Variants in PDIA2 observed in about 807,000 individuals in gnomAD.
The protein encoded by PDIA2 is protein disulfide isomerase family A member 2, also known as protein disulfide-isomerase A2.
PDIA2 carries 76 observed loss-of-function variants against 51.1 expected under a neutral mutation model. That is an observed-to-expected ratio of 1.49 (90% CI 1.24 to 1.80). PDIA2 has a LOEUF of 1.80. Among genes scored for constraint, PDIA2 ranks in the 40% most tolerant of loss-of-function variants. The probability of loss-of-function intolerance (pLI) is 0.00; values close to 1 mark genes in which losing one functional copy is unlikely to be tolerated. For synonymous variants in PDIA2, 429 were observed against 309.9 expected (o/e 1.38, Z -4.04); for missense variants, 946 against 706.5 (o/e 1.34, Z -3.84).
At chr16:283,436 C>T (rs1459844716) in intron 1 of PDIA2, 68 bp downstream of exon 1, 1 of 1,462,262 alleles carries the variant, frequency 6.8e-7, no homozygotes, top group Non-Finnish European at 9.1e-7. Flanking sequence ...GGGGCCCCAC[C>T]CTTTGCCGGC....
chr16:285,015 G>T lies in PDIA2; in HGVS notation c.678G>T (p.Lys226Asn). Residue 226 changes from lysine to asparagine, a missense_variant and splice_region_variant, in exon 4 of 11, where the codon AAG (lysine) becomes AAT (asparagine). Coordinates refer to ENST00000219406, the MANE Select transcript of PDIA2 (RefSeq NM_006849.4). ...AGGACACTGTGGTTCTCTTCAAGAA[G>T]GTAGGTCAGGCCCAGGTGTGGGTTG... is the stretch of plus-strand genomic sequence containing the variant. ...LTKDTVVLFK[K>N]FDEGRADFPV... is the part of the protein sequence containing the mutation. The T allele has an allele frequency of 6.2e-7, 1 of 1,613,352 alleles. No homozygotes were observed. Among genetic ancestry groups the T allele is most frequent in the Non-Finnish European group, 8.5e-7 (1 of 1,180,016 alleles).
At position 286,484 on chromosome 16, in the gene PDIA2, AG is replaced by A. The variant is rs1385230524; in HGVS notation, c.1240+14del. On this transcript the variant is annotated intron_variant, in intron 8 of 10. Coordinates refer to ENST00000219406, the MANE Select transcript of PDIA2 (RefSeq NM_006849.4). Reference sequence around the variant, plus strand: ...TGTTTGTCAAGTTCTGTGAGTGTTGAGGGAGGCAGGGGTGGTGTGGGCTGGG... The same window carrying A: ...TGTTTGTCAAGTTCTGTGAGTGTTGAGGAGGCAGGGGTGGTGTGGGCTGGG... The A allele has an allele frequency of 3.1e-6, 5 of 1,612,920 alleles. No homozygotes were observed.
rs201557351 is a variant in PDIA2 at position 286,469 on chromosome 16, G to A, written c.1236G>A (p.Lys412=). 9 of 1,613,286 alleles carry A rather than the reference G, an allele frequency of 5.6e-6. No homozygotes were observed. The highest frequency in any genetic ancestry group is 1.7e-5 in the Admixed American group (1 of 60,010). Reference sequence around the variant, plus strand: ...ACGAAACCAAGAATGTGTTTGTCAAGTTCTGTGAGTGTTGAGGGAGGCAGG... The same window carrying A: ...ACGAAACCAAGAATGTGTTTGTCAAATTCTGTGAGTGTTGAGGGAGGCAGG... The part of the protein sequence containing the change: ...AFDETKNVFV[K]FYAPWCTHCK... Residue 412 remains lysine (K), a synonymous_variant, in exon 8 of 11, where the codon AAG becomes AAA. Coordinates refer to ENST00000219406, the MANE Select transcript of PDIA2 (RefSeq NM_006849.4).
chr16:284,336 G>C, intron 1 of PDIA2, 51 bp from the exon 2 acceptor site: 2 of 1,492,744 alleles, frequency 1.3e-6, no homozygotes, highest in Non-Finnish European at 1.8e-6. Context: ...GTGTGGAGAG[G>C]GTGCTCCTGG....
At position 284,685 on chromosome 16, in the gene PDIA2, G is replaced by A. The variant is rs200919010; in HGVS notation, c.433G>A (p.Glu145Lys). The change falls in exon 3 of 11, where the codon GAG becomes AAG. Residue 145 changes from glutamate to lysine, a missense_variant. Glu to Lys is a moderately conservative substitution (Grantham distance 56). Transcript: ENST00000219406. ...TGPRDAEGIAEWLRRRVGPSA... is the reference protein window; with the variant it reads ...TGPRDAEGIAKWLRRRVGPSA... ...ACCACGGGACGCTGAGGGCATTGCC[G>A]AGTGGCTGCGACGGCGGGTGGGGCC... The A allele has an allele frequency of 1.4e-3, 2,203 of 1,587,778 alleles. No homozygotes were observed. The highest frequency in any genetic ancestry group is 1.7e-3 in the Non-Finnish European group (1,973 of 1,172,108).
In PDIA2 at chr16:283,293, G is replaced by A. The variant is rs1390455232; in HGVS notation, c.124G>A (p.Asp42Asn). ...EPPEEEIPKE[D>N]GILVLSRHTL... ...TCCAGAGGAGGAAATCCCCAAGGAG[G>A]ATGGGATCTTGGTGCTGAGCCGCCA... Residue 42 changes from aspartate to asparagine, a missense_variant, in exon 1 of 11, where the codon GAT becomes AAT. Transcript: ENST00000219406. 1 of 1,610,498 alleles carries A rather than the reference G, an allele frequency of 6.2e-7. No individual in the cohort carries two copies. The highest frequency in any genetic ancestry group is 8.5e-7 in the Non-Finnish European group (1 of 1,179,090).
In PDIA2 at chr16:285,323, G is replaced by T; in HGVS notation, c.807G>T (p.Lys269Asn). The T allele has an allele frequency of 1.2e-6, 2 of 1,612,962 alleles. No homozygotes were observed. The highest frequency in any genetic ancestry group is 1.7e-6 in the Non-Finnish European group (2 of 1,179,910). Residue 269 changes from lysine to asparagine, a missense_variant, in exon 6 of 11, where the codon AAG becomes AAT. Transcript: ENST00000219406. ...CCTCCCTACTGTAGACGTCTGCCAA[G>T]ATCTTCGCGGCCAGGATCCTCAACC... is the stretch of plus-strand genomic sequence containing the variant. ...VTEFNSQTSAKIFAARILNHL... is the reference protein window; with the variant it reads ...VTEFNSQTSANIFAARILNHL...
chr16:287,125 T>TCACCCCCGC lies in PDIA2; in HGVS notation c.*15_*23dup, dbSNP rs1567252687. ...AGGAGGAACTGTAGCTGCCCCCGTG[T>TCACCCCCGC]CACCCCCGCCATCACTGCTGGACAG... On this transcript the variant is annotated 3_prime_UTR_variant, in exon 11 of 11. Coordinates refer to ENST00000219406, the MANE Select transcript of PDIA2 (RefSeq NM_006849.4). The TCACCCCCGC allele has an allele frequency of 1.2e-6, 2 of 1,612,714 alleles. No homozygotes were observed. The highest frequency in any genetic ancestry group is 1.7e-5 in the Admixed American group (1 of 60,010).
Position 286,621 on chromosome 16 carries a change from A to T in PDIA2, c.1308A>T (p.Gln436His), listed in dbSNP as rs1567251821. The change falls in exon 9 of 11, where the codon CAA becomes CAT. Residue 436 changes from glutamine (Q) to histidine (H), a missense_variant. Coordinates refer to ENST00000219406, the MANE Select transcript of PDIA2 (RefSeq NM_006849.4). ...PAWEALAEKY[Q>H]DHEDIIIAEL... is the part of the protein sequence containing the mutation. ...GGGAGGCATTGGCTGAGAAGTACCAAGACCACGAGGACATCATCATTGCTG... is the reference window on the plus strand; with the variant it reads ...GGGAGGCATTGGCTGAGAAGTACCATGACCACGAGGACATCATCATTGCTG... 2 of 1,612,730 alleles carry T rather than the reference A, an allele frequency of 1.2e-6. No homozygotes were observed. The highest frequency in any genetic ancestry group is 1.6e-4 in the Middle Eastern group (1 of 6,062).
At chr16:285,834 A>G (rs1279319312) in intron 7 of PDIA2, 131 bp downstream of exon 7, 60 of 993,218 alleles carry the variant, frequency 6.0e-5, no homozygotes, top group South Asian at 8.1e-5. Flanking sequence ...TCAACCCGGC[A>G]ATTCTCCCAA....
Position 286,733 on chromosome 16 carries a change from A to T in PDIA2, c.1420A>T (p.Lys474Ter), listed in dbSNP as rs1258102758. 1 of 1,612,720 alleles carries T rather than the reference A, an allele frequency of 6.2e-7. No homozygotes were observed. Among genetic ancestry groups the T allele is most frequent in the Non-Finnish European group, 8.5e-7 (1 of 1,179,962 alleles). Residue 474 changes from lysine to a stop codon, truncating the protein, a stop_gained and splice_region_variant, in exon 9 of 11, where the codon AAG becomes TAG. Transcript: ENST00000219406. LOFTEE classifies it high-confidence loss of function. ...LKYFPAGPGR[K>*]VIEYKSTRDL... Reference sequence around the variant, plus strand: ...GTACTTCCCAGCAGGGCCAGGTCGGAAGGTATGGCGGACAGGTGGCTGGGG... The same window carrying T: ...GTACTTCCCAGCAGGGCCAGGTCGGTAGGTATGGCGGACAGGTGGCTGGGG...
At position 285,790 on chromosome 16, in the gene PDIA2, C is replaced by CCCCCTGCCCCTGCCCCTG. The variant is rs573410694; in HGVS notation, c.1119+100_1119+101insCCCTGCCCCTGCCCCTGC. 7.8e-6 allele frequency: 11 copies of CCCCCTGCCCCTGCCCCTG among 1,419,014 alleles called. No homozygotes were observed. The African/African-American group carries it at 1.4e-4, about 18-fold the overall frequency. 87.9% of individuals were successfully genotyped at this position (1,419,014 alleles called of 1,614,324 possible). On this transcript the variant is annotated intron_variant, in intron 7 of 10. Coordinates refer to ENST00000219406, the MANE Select transcript of PDIA2 (RefSeq NM_006849.4). ...GGGGTGGGAACAGCAGCTCTCAGAG[C>CCCCCTGCCCCTGCCCCTG]CCCCTGCCCCTGCAGGCCCCGCAGA...
chr16:286,454 G>T lies in PDIA2; in HGVS notation c.1221G>T (p.Lys407Asn). ...AGCAGGTGGCTTTTGACGAAACCAA[G>T]AATGTGTTTGTCAAGTTCTGTGAGT... Reference protein sequence around the residue: ...NFEQVAFDETKNVFVKFYAPW... With the variant: ...NFEQVAFDETNNVFVKFYAPW... The change falls in exon 8 of 11, where the codon AAG becomes AAT. Residue 407 changes from lysine (K) to asparagine (N), a missense_variant. Physicochemically the swap from Lys to Asn is moderately conservative, Grantham distance 94. Transcript: ENST00000219406. 6.2e-7 allele frequency: 1 copy of T among 1,613,172 alleles called. No individual in the cohort carries two copies. The highest frequency in any genetic ancestry group is 8.5e-7 in the Non-Finnish European group (1 of 1,179,904).
chr16:284,702 G>A lies in PDIA2; in HGVS notation c.450G>A (p.Arg150=). ...GCATTGCCGAGTGGCTGCGACGGCG[G>A]GTGGGGCCCAGTGCCATGCGGCTGG... ...AEGIAEWLRR[R]VGPSAMRLED... is the part of the protein sequence containing the mutation. Residue 150 remains arginine (R), a synonymous_variant, in exon 3 of 11, where the codon CGG becomes CGA. Coordinates refer to ENST00000219406, the MANE Select transcript of PDIA2 (RefSeq NM_006849.4). The A allele has an allele frequency of 1.3e-6, 2 of 1,581,610 alleles. No homozygotes were observed. Among genetic ancestry groups the A allele is most frequent in the Non-Finnish European group, 1.7e-6 (2 of 1,169,104 alleles).
chr16:286,987 C>T lies in PDIA2; in HGVS notation c.1533+42C>T, dbSNP rs1238236035. On this transcript the variant is annotated intron_variant, in intron 10 of 10. Coordinates refer to ENST00000219406, the MANE Select transcript of PDIA2 (RefSeq NM_006849.4). ...CAGGGCTCCAGGCCTCTGCACAAAT[C>T]CTCTTTACACAGGGCTGGCAGGGGC... The T allele has an allele frequency of 3.1e-6, 5 of 1,610,502 alleles. No individual in the cohort carries two copies. The African/African-American group carries it at 5.3e-5, about 17-fold the overall frequency.
In PDIA2 at chr16:285,443, G is replaced by A. The variant is rs1488035037; in HGVS notation, c.921+6G>A. 9 of 1,610,948 alleles carry A rather than the reference G, an allele frequency of 5.6e-6. No homozygotes were observed. The highest frequency in any genetic ancestry group is 3.3e-5 in the Admixed American group (2 of 59,954). On this transcript the variant is annotated splice_donor_region_variant and intron_variant, in intron 6 of 10. Coordinates refer to ENST00000219406, the MANE Select transcript of PDIA2 (RefSeq NM_006849.4). ...CTCCCCGCTTCCGGGGGCAGGTACT[G>A]GGGGGCTGGGGGAAAGGGGCAGCGG...
At chr16:283,487 A>G in intron 1 of PDIA2, 119 bp downstream of exon 1, 2 of 1,082,812 alleles carry the variant, frequency 1.8e-6, no homozygotes, top group South Asian at 1.7e-5. Flanking sequence ...CCCCGCAGGC[A>G]CTTGCCCCCA....
At chr16:286,045 C>CCCCGCGGTTCT (rs1267233228) in intron 7 of PDIA2, among the ~76,000 whole-genome samples, 1 of 116,566 alleles carries the variant, frequency 8.6e-6, no homozygotes, top group South Asian at 2.6e-4. Context: ...GTTCTCCCAA[C>CCCCGCGGTTCT]CCCAACCTCA....
rs762409143 is a variant in PDIA2 at position 284,913 on chromosome 16, C to A, written c.576C>A (p.Ala192=). 6.2e-7 allele frequency: 1 copy of A among 1,612,880 alleles called. No homozygotes were observed. Among genetic ancestry groups the A allele is most frequent in the South Asian group, 1.1e-5 (1 of 91,084 alleles). ...ACGAGGACGTGGCCACCTTCTTGGC[C>A]TTGGCCCAGGACGCCCTGGACATGA... ...LQDEDVATFL[A]LAQDALDMTF... Residue 192 remains alanine, a synonymous_variant, in exon 4 of 11, where the codon GCC becomes GCA. Coordinates refer to ENST00000219406, the MANE Select transcript of PDIA2 (RefSeq NM_006849.4).
Sources: allele counts gnomAD v4.1 joint callset (sites outside exome capture counted in the v4.1 genomes callset), GRCh38; gene constraint gnomAD v4.1.1; transcripts MANE v1.5; gene names NCBI Gene and HGNC (gene_info 2026-07-23, HGNC 2026-07-21).